GHRHR: variants seen among roughly 807,000 people sequenced by gnomAD.
The protein encoded by GHRHR is growth hormone-releasing hormone receptor.
Under a neutral mutation model 58.3 loss-of-function variants are expected in GHRHR, and 40 were observed. The observed-to-expected ratio is 0.69, with a 90% CI of 0.53 to 0.89. The LOEUF is 0.89. Among genes scored for constraint, GHRHR ranks in the 40% least tolerant of loss-of-function variants. The pLI, the probability that GHRHR is intolerant of heterozygous loss-of-function variation, is 0.00. For synonymous variants in GHRHR, 249 were observed against 216.6 expected, an observed-to-expected ratio of 1.15 and a Z score of -1.31; for missense variants, 551 against 541.3, an observed-to-expected ratio of 1.02 and a Z score of -0.18.
chr7:30,976,065 T>C lies in GHRHR; in HGVS notation c.974+197T>C, dbSNP rs552944629. 26 of 613,198 alleles carry C rather than the reference T, an allele frequency of 4.2e-5. 3 individuals are homozygous for C. The South Asian group carries it at 5.0e-4, about 12-fold the overall frequency. The allele number at this position is 613,198 out of a possible 1,614,324, so 38.0% of individuals were successfully genotyped here. On this transcript the variant is annotated intron_variant, in intron 10 of 12. Transcript: ENST00000326139. Reference sequence around the variant, plus strand: ...AGGATGAGGACTCCAAACAGCCAGCTCCCATGCCAAATAGAACGATGAGTG... The same window carrying C: ...AGGATGAGGACTCCAAACAGCCAGCCCCCATGCCAAATAGAACGATGAGTG...
chr7:30,967,298 G>T (rs1204969140), intron 1 of GHRHR, among the ~76,000 whole-genome samples: 5 of 152,144 alleles, frequency 3.3e-5, no homozygotes, highest in African/African-American at 1.2e-4. Context: ...ATCCACCCTA[G>T]ATCTCTACAT....
At chr7:30,976,010 C>T (rs1792569672) in intron 10 of GHRHR, 142 bp downstream of exon 10, 2 of 686,540 alleles carry the variant, frequency 2.9e-6, no homozygotes, top group South Asian at 1.6e-5. Context: ...TAGACCTGGC[C>T]CCTTCCTTCT....
rs551518534 is a variant in GHRHR at position 30,966,106 on chromosome 7, G to A, written c.57+1981G>A. Among the ~76,000 whole-genome samples, 7 of 152,342 alleles carry A rather than the reference G, an allele frequency of 4.6e-5. No homozygotes were observed. In the East Asian group the frequency reaches 1.4e-3, roughly 29 times the overall value. On this transcript the variant is annotated intron_variant, in intron 1 of 12. Coordinates refer to ENST00000326139, the MANE Select transcript of GHRHR (RefSeq NM_000823.4). ...ATGGGGTCAGCAGGGCGGGACAGGA[G>A]TGACTTCTCCTGCCAGGGTAGCACT...
chr7:30,972,232 A>G (rs1427556040), intron 6 of GHRHR, 137 bp downstream of exon 6: 2 of 847,992 alleles, frequency 2.4e-6, no homozygotes, highest in Non-Finnish European at 3.8e-6. Context: ...ACAGAACAGG[A>G]AAATGCTCCT....
chr7:30,967,176 G>A (rs1328160437), intron 1 of GHRHR, among the ~76,000 whole-genome samples: 1 of 152,228 alleles, frequency 6.6e-6, no homozygotes, highest in Non-Finnish European at 1.5e-5. Flanking sequence ...GGCCTGCTGG[G>A]CGATCAGTTT....
intron 1 of GHRHR, 37 bp downstream of exon 1, chr7:30,964,162 T>C: frequency 6.5e-7 from 1 of 1,531,370 alleles, no homozygotes; most frequent in South Asian, 1.2e-5. Context: ...CCTCTGCCAC[T>C]GGGCTCCAGA....
In GHRHR at chr7:30,972,109, G is replaced by A. The variant is rs370681110; in HGVS notation, c.597+14G>A. 1.9e-6 allele frequency: 3 copies of A among 1,613,572 alleles called. No homozygotes were observed. The highest frequency in any genetic ancestry group is 2.7e-5 in the African/African-American group (2 of 74,874). ...AGCTTCTCCACTGTAATGGCCATGG[G>A]TGAAGGGGCTGGGCAGGTGGGGGAG... On this transcript the variant is annotated intron_variant, in intron 6 of 12. Coordinates refer to ENST00000326139, the MANE Select transcript of GHRHR (RefSeq NM_000823.4).
At chr7:30,965,427 G>A (rs1269240563) in intron 1 of GHRHR, among the ~76,000 whole-genome samples, 1 of 152,146 alleles carries the variant, frequency 6.6e-6, no homozygotes, top group Non-Finnish European at 1.5e-5. Context: ...GTGTGTGGGG[G>A]GGTGACTGGG....
intron 6 of GHRHR, among the ~76,000 whole-genome samples, chr7:30,972,426 G>A (rs759718521): frequency 3.3e-5 from 5 of 152,030 alleles, no homozygotes; most frequent in African/African-American, 9.7e-5. Flanking sequence ...CTGGGGGTGT[G>A]TACGCAAGGG....
chr7:30,968,691 T>A, intron 1 of GHRHR, 143 bp from the exon 2 acceptor site: 1 of 410,396 alleles, frequency 2.4e-6, no homozygotes, highest in Non-Finnish European at 4.8e-6. Flanking sequence ...CAAACACACC[T>A]GAAACTACTG....
At chr7:30,971,297 A>G (rs561222414) in intron 5 of GHRHR, 81 bp downstream of exon 5, 1 of 733,386 alleles carries the variant, frequency 1.4e-6, no homozygotes, top group Non-Finnish European at 2.5e-6. Flanking sequence ...CCTTGCCTAC[A>G]TAGCCATGAA....
intron 3 of GHRHR, chr7:30,969,403 C>T: frequency 1.6e-6 from 1 of 608,618 alleles, no homozygotes; most frequent in Non-Finnish European, 3.0e-6. Flanking sequence ...CCTGTAAGTG[C>T]TGGACCTGGA....
In GHRHR at chr7:30,976,570, C is replaced by T; in HGVS notation, c.1104+12C>T. ...TGGGTTCCTTCCAGGTGAGGGCCCC[C>T]ACAGGCACTCTTTCTTTCCATTGAG... is the stretch of plus-strand genomic sequence containing the variant. On this transcript the variant is annotated intron_variant, in intron 11 of 12. Transcript: ENST00000326139. 1 of 1,611,414 alleles carries T rather than the reference C, an allele frequency of 6.2e-7. No individual in the cohort carries two copies.
rs1315879986 is a variant in GHRHR, at chr7:30,969,113, G to T, written c.211G>T (p.Gly71Cys). Residue 71 changes from glycine to cysteine, a missense_variant, in exon 3 of 13, where the codon GGC (glycine) becomes TGC (cysteine). Coordinates refer to ENST00000326139, the MANE Select transcript of GHRHR (RefSeq NM_000823.4). ...GCTGTGCTGGCCAACGGCAGGCTCTGGCGAGTGGGTCACCCTCCCCTGCCC... is the reference window on the plus strand; with the variant it reads ...GCTGTGCTGGCCAACGGCAGGCTCTTGCGAGTGGGTCACCCTCCCCTGCCC... ...GLLCWPTAGS[G>C]EWVTLPCPDF... 1.3e-6 allele frequency: 2 copies of T among 1,579,798 alleles called. No homozygotes were observed. Among genetic ancestry groups the T allele is most frequent in the South Asian group, 2.3e-5 (2 of 86,268 alleles).
chr7:30,977,631 T>C (rs1291288223), intron 12 of GHRHR, among the ~76,000 whole-genome samples: 1 of 152,154 alleles, frequency 6.6e-6, no homozygotes, highest in Non-Finnish European at 1.5e-5. Flanking sequence ...CCCCCAATTC[T>C]GTGTTCCTAA....
chr7:30,969,844 A>G (rs1792443199), intron 3 of GHRHR, 23 bp from the exon 4 acceptor site: 18 of 1,612,492 alleles, frequency 1.1e-5, no homozygotes, highest in Non-Finnish European at 1.4e-5. Flanking sequence ...AGTTGTGGCT[A>G]GAGAGTCTTG....
rs1338872026 is a variant in GHRHR, at chr7:30,975,017, G to T, written c.859G>T (p.Gly287Trp). 2 of 1,612,890 alleles carry T rather than the reference G, an allele frequency of 1.2e-6. No individual in the cohort carries two copies. Among genetic ancestry groups the T allele is most frequent in the South Asian group, 2.2e-5 (2 of 91,056 alleles). Residue 287 changes from glycine to tryptophan, a missense_variant, in exon 9 of 13, where the codon GGG becomes TGG. Gly to Trp is a radical substitution (Grantham distance 184). Transcript: ENST00000326139. ...DTSPYWWIIKGPIVLSVGVNF... is the reference protein window; with the variant it reads ...DTSPYWWIIKWPIVLSVGVNF... ...CTCCCCCTACTGGTGGATCATCAAA[G>T]GGCCCATTGTCCTCTCGGTCGGGGT... is the stretch of plus-strand genomic sequence containing the variant.
In GHRHR at chr7:30,976,444, G is replaced by A. The variant is rs369089111; in HGVS notation, c.990G>A (p.Ser330=). The change falls in exon 11 of 13, where the codon TCG becomes TCA. Residue 330 remains serine, a synonymous_variant. Coordinates refer to ENST00000326139, the MANE Select transcript of GHRHR (RefSeq NM_000823.4). The part of the protein sequence containing the change: ...TQSQYWRLSK[S]TLFLIPLFGI... ...TTTCCTGCAGGCGTCTCTCCAAGTCGACACTTTTCCTGATCCCACTCTTTG... is the reference window on the plus strand; with the variant it reads ...TTTCCTGCAGGCGTCTCTCCAAGTCAACACTTTTCCTGATCCCACTCTTTG... 1.5e-4 allele frequency: 241 copies of A among 1,613,470 alleles called. No individual in the cohort carries two copies. Among genetic ancestry groups the A allele is most frequent in the Non-Finnish European group, 1.9e-4 (221 of 1,179,612 alleles).
chr7:30,964,410 TG>T (rs1209867462), intron 1 of GHRHR, among the ~76,000 whole-genome samples: 161 of 392 alleles, frequency 0.41, no homozygotes, highest in African/African-American at 0.47. Context: ...AGGGCCTGGC[TG>T]TGCCTCTGGG....
Sources: gnomAD v4.1 joint callset for allele counts (sites outside exome capture counted in the v4.1 genomes callset) on GRCh38, gnomAD v4.1.1 for gene constraint, MANE v1.5 for transcripts, NCBI Gene and HGNC (gene_info 2026-07-23, HGNC 2026-07-21) for gene names.